The following SUGCT variants were observed in gnomAD, a reference collection of about 807,000 sequenced individuals.
SUGCT encodes the protein succinyl-CoA:glutarate-CoA transferase.
SUGCT carries 41 observed loss-of-function variants against 55.0 expected under a neutral mutation model. That is an observed-to-expected ratio of 0.74 (90% CI 0.58 to 0.97). SUGCT has a LOEUF of 0.97. SUGCT is among the 50% of genes least tolerant of loss of function. The probability of loss-of-function intolerance (pLI) is 0.00; values close to 1 mark genes in which losing one functional copy is unlikely to be tolerated. For missense variants in SUGCT, 568 were observed against 547.8 expected (o/e 1.04, Z -0.37); for synonymous variants, 187 against 200.4 (o/e 0.93, Z 0.56).
chr7:40,816,583 G>A (rs2128762632), intron 13 of SUGCT, among the ~76,000 whole-genome samples: 1 of 152,254 alleles, frequency 6.6e-6, no homozygotes, highest in South Asian at 2.1e-4. Context: ...ATTCTGGTTT[G>A]TTCTTCAAGA....
chr7:40,615,078 A>G (rs1798935430), intron 12 of SUGCT, among the ~76,000 whole-genome samples: 1 of 151,686 alleles, frequency 6.6e-6, no homozygotes, highest in African/African-American at 2.4e-5. Flanking sequence ...AAAAAGAAAG[A>G]AAAAAAGAAA....
chr7:40,215,746 C>T (rs907672338), intron 6 of SUGCT, among the ~76,000 whole-genome samples: 1 of 151,836 alleles, frequency 6.6e-6, no homozygotes, highest in Admixed American at 6.6e-5. Flanking sequence ...CCTGTAGTCC[C>T]AGCTACTTGG....
rs148346456 is a variant in SUGCT at position 40,209,668 on chromosome 7, T to C, written c.484+14608T>C. 4.5e-3 allele frequency among the ~76,000 whole-genome samples: 685 copies of C among 152,210 alleles called. 7 individuals are homozygous for C. Among genetic ancestry groups the C allele is most frequent in the African/African-American group, 0.016 (661 of 41,536 alleles). ...AAAATTATCCAGGTGTGGTGGCGCA[T>C]GCCTGTAATCTTAGCTATGTGGGAT... On this transcript the variant is annotated intron_variant, in intron 6 of 13. Transcript: ENST00000335693.
chr7:40,762,655 G>A (rs1788590881), intron 13 of SUGCT, among the ~76,000 whole-genome samples: 1 of 152,084 alleles, frequency 6.6e-6, no homozygotes, highest in Non-Finnish European at 1.5e-5. Context: ...CTTTAAAAAG[G>A]ATGCATACAT....
chr7:40,652,436 T>C (rs991546810), intron 12 of SUGCT, among the ~76,000 whole-genome samples: 2 of 152,208 alleles, frequency 1.3e-5, no homozygotes, highest in Non-Finnish European at 2.9e-5. Context: ...AGGTTATGTC[T>C]ATCTCCATCT....
chr7:41,000,248 G>T, the SUGCT span, among the ~76,000 whole-genome samples: 1 of 151,924 alleles, frequency 6.6e-6, no homozygotes, highest in African/African-American at 2.4e-5. Flanking sequence ...GAACACATGT[G>T]CAAACAGGCA....
At chr7:40,470,038 C>T (rs191194056) in intron 11 of SUGCT, among the ~76,000 whole-genome samples, 47 of 152,210 alleles carry the variant, frequency 3.1e-4, no homozygotes, top group Admixed American at 5.2e-4. Context: ...GGCCAAAGAT[C>T]CCTTGAAACG....
chr7:40,838,885 A>C (rs1211747486), intron 13 of SUGCT, among the ~76,000 whole-genome samples: 1 of 151,488 alleles, frequency 6.6e-6, no homozygotes, highest in Non-Finnish European at 1.5e-5. Context: ...GGGTTTTGTA[A>C]ATGCTTTTTA....
chr7:40,989,489 T>C, the SUGCT span, among the ~76,000 whole-genome samples: 1 of 152,060 alleles, frequency 6.6e-6, no homozygotes, highest in Non-Finnish European at 1.5e-5. Flanking sequence ...ACTCCTTGGC[T>C]GGCATGGTGG....
At chr7:40,448,918 G>GTGTA (rs1308790100) in intron 9 of SUGCT, among the ~76,000 whole-genome samples, 1 of 142,786 alleles carries the variant, frequency 7.0e-6, no homozygotes, top group Middle Eastern at 3.8e-3. Flanking sequence ...GTGTGTGTGT[G>GTGTA]TATATATGTG....
chr7:40,185,252 A>C (rs1785436462), intron 3 of SUGCT, among the ~76,000 whole-genome samples: 1 of 152,158 alleles, frequency 6.6e-6, no homozygotes, highest in Non-Finnish European at 1.5e-5. Context: ...CAGCACTACA[A>C]CCATTGGTTT....
chr7:40,772,578 GCTAT>G (rs70990645), intron 13 of SUGCT, among the ~76,000 whole-genome samples: 20,363 of 103,948 alleles, frequency 0.2, 2,147 homozygotes, highest in Middle Eastern at 0.23. Flanking sequence ...TTATCTATCT[GCTAT>G]CTATCTATCT....
the SUGCT span, among the ~76,000 whole-genome samples, chr7:40,943,312 G>T: frequency 6.7e-6 from 1 of 149,178 alleles, no homozygotes; most frequent in Non-Finnish European, 1.5e-5. Context: ...TAAGTTTTAG[G>T]GTACATGTGC....
At chr7:40,277,704 A>ATTATTATTATTAT (rs1562639268) in intron 8 of SUGCT, among the ~76,000 whole-genome samples, 1 of 148,238 alleles carries the variant, frequency 6.7e-6, no homozygotes, top group African/African-American at 2.5e-5. Flanking sequence ...TATTATTATT[A>ATTATTATTATTAT]TACTTTAAGT....
At chr7:40,309,636 T>C (rs1276779060) in intron 8 of SUGCT, among the ~76,000 whole-genome samples, 1 of 152,138 alleles carries the variant, frequency 6.6e-6, no homozygotes, top group East Asian at 1.9e-4. Flanking sequence ...AATAAGGTGC[T>C]GACTGACACT....
At chr7:40,281,195 A>G (rs1792929704) in intron 8 of SUGCT, among the ~76,000 whole-genome samples, 1 of 151,954 alleles carries the variant, frequency 6.6e-6, no homozygotes, top group African/African-American at 2.4e-5. Flanking sequence ...CCTACTGTGC[A>G]TAATTGATAG....
chr7:40,144,216 CTT>C (rs1440995035), intron 1 of SUGCT, among the ~76,000 whole-genome samples: 2 of 152,178 alleles, frequency 1.3e-5, no homozygotes, highest in Non-Finnish European at 1.5e-5. Flanking sequence ...AGAGAGCTGT[CTT>C]TGACTTGGCA....
intron 13 of SUGCT, among the ~76,000 whole-genome samples, chr7:40,834,355 G>A (rs919421740): frequency 6.6e-6 from 1 of 152,082 alleles, no homozygotes. Context: ...TGGAGGCCAC[G>A]CTTTTGCATC....
At chr7:40,978,841 G>A in the SUGCT span, among the ~76,000 whole-genome samples, 1 of 152,296 alleles carries the variant, frequency 6.6e-6, no homozygotes, top group Non-Finnish European at 1.5e-5. Context: ...AAATGTGTAT[G>A]ACACAGGTTA....
Sources: allele counts gnomAD v4.1 joint callset (sites outside exome capture counted in the v4.1 genomes callset), GRCh38; gene constraint gnomAD v4.1.1; transcripts MANE v1.5; gene names NCBI Gene and HGNC (gene_info 2026-07-23, HGNC 2026-07-21).